The following SKAP2 variants were observed in gnomAD, a reference collection of about 807,000 sequenced individuals.
SKAP2 encodes src kinase associated phosphoprotein 2.
Under a neutral mutation model 54.9 loss-of-function variants are expected in SKAP2, and 28 were observed. The observed-to-expected ratio is 0.51, with a 90% CI of 0.38 to 0.70. The LOEUF is 0.70. Among genes scored for constraint, SKAP2 ranks in the 30% least tolerant of loss-of-function variants. The pLI is 0.00. For missense variants in SKAP2, 356 were observed against 424.1 expected, an observed-to-expected ratio of 0.84 and a Z score of 1.41; for synonymous variants, 137 against 134.3, an observed-to-expected ratio of 1.02 and a Z score of -0.14.
intron 4 of SKAP2, among the ~76,000 whole-genome samples, chr7:26,792,256 T>C (rs1344260660): frequency 6.6e-6 from 1 of 152,184 alleles, no homozygotes; most frequent in East Asian, 1.9e-4. Flanking sequence ...GTTCTATATC[T>C]TATCATGACT....
At chr7:26,696,202 T>C (rs1786891004) in intron 9 of SKAP2, among the ~76,000 whole-genome samples, 1 of 152,232 alleles carries the variant, frequency 6.6e-6, no homozygotes, top group African/African-American at 2.4e-5. Context: ...GTCTATTCAA[T>C]AGACTATTAT....
chr7:26,655,307 G>A, the SKAP2 span, among the ~76,000 whole-genome samples: 30,609 of 152,062 alleles, frequency 0.2, 3,307 homozygotes, highest in Non-Finnish European at 0.24. Flanking sequence ...CCTCTTAAGC[G>A]GAGGCTTCTC....
intron 4 of SKAP2, among the ~76,000 whole-genome samples, chr7:26,817,038 A>G (rs1323731075): frequency 6.6e-6 from 1 of 152,136 alleles, no homozygotes; most frequent in East Asian, 1.9e-4. Context: ...TCAAACAAAA[A>G]TTGTGTATGC....
At chr7:26,760,886 T>A (rs1782913357) in intron 4 of SKAP2, among the ~76,000 whole-genome samples, 1 of 152,170 alleles carries the variant, frequency 6.6e-6, no homozygotes, top group African/African-American at 2.4e-5. Flanking sequence ...GCATATAGAA[T>A]TTTAGAAAAG....
intron 4 of SKAP2, among the ~76,000 whole-genome samples, chr7:26,804,957 T>C (rs191485679): frequency 9.8e-4 from 149 of 152,294 alleles, no homozygotes; most frequent in Middle Eastern, 3.4e-3. Context: ...TTTCCTATAG[T>C]ATGAAAAAAT....
chr7:26,706,513 A>C (rs1787158083), intron 9 of SKAP2, among the ~76,000 whole-genome samples: 1 of 152,196 alleles, frequency 6.6e-6, no homozygotes, highest in Non-Finnish European at 1.5e-5. Flanking sequence ...TTAATATAAA[A>C]TCAGCTGTCA....
intron 4 of SKAP2, among the ~76,000 whole-genome samples, chr7:26,750,941 T>G (rs1376484974): frequency 1.3e-5 from 2 of 152,164 alleles, no homozygotes; most frequent in Non-Finnish European, 2.9e-5. Context: ...TGCAACAGCT[T>G]TATGTTGTGG....
At chr7:26,864,055 T>TCACACACACACACACACACA (rs35995014) in intron 1 of SKAP2, among the ~76,000 whole-genome samples, 401 of 143,416 alleles carry the variant, frequency 2.8e-3, no homozygotes, top group South Asian at 8.7e-3. Flanking sequence ...CGCCCTTCTG[T>TCACACACACACACACACACA]CACACACACA....
chr7:26,845,280 C>T (rs368705595), intron 3 of SKAP2, among the ~76,000 whole-genome samples: 21 of 152,192 alleles, frequency 1.4e-4, no homozygotes, highest in Non-Finnish European at 2.6e-4. Context: ...GGGTGTCACC[C>T]TATTTGTTAC....
intron 7 of SKAP2, chr7:26,726,616 T>C (rs1787714602): frequency 3.5e-6 from 1 of 281,842 alleles, no homozygotes; most frequent in Non-Finnish European, 6.7e-6. Flanking sequence ...TGATCACCTA[T>C]GTTCTATGCA....
At chr7:26,844,837 G>A (rs899778730) in intron 3 of SKAP2, among the ~76,000 whole-genome samples, 2 of 151,860 alleles carry the variant, frequency 1.3e-5, no homozygotes, top group African/African-American at 4.8e-5. Flanking sequence ...TTAATGTTCT[G>A]GCCAGTTTCC....
intron 4 of SKAP2, among the ~76,000 whole-genome samples, chr7:26,843,109 T>G (rs1784851851): frequency 6.6e-6 from 1 of 152,112 alleles, no homozygotes; most frequent in Non-Finnish European, 1.5e-5. Context: ...AAGCAATTTA[T>G]GTTTCCAAAG....
At chr7:26,798,806 C>T (rs547706726) in intron 4 of SKAP2, among the ~76,000 whole-genome samples, 1 of 152,184 alleles carries the variant, frequency 6.6e-6, no homozygotes, top group Non-Finnish European at 1.5e-5. Flanking sequence ...TTGCTTTTTG[C>T]TTGGTTGTTT....
At chr7:26,804,314 T>C (rs1027625106) in intron 4 of SKAP2, among the ~76,000 whole-genome samples, 12 of 152,332 alleles carry the variant, frequency 7.9e-5, no homozygotes, top group African/African-American at 2.4e-4. Flanking sequence ...GGACTAAATT[T>C]CCTCTGTTAT....
chr7:26,841,584 T>C (rs1016952657), intron 4 of SKAP2, among the ~76,000 whole-genome samples: 2 of 151,894 alleles, frequency 1.3e-5, no homozygotes, highest in Non-Finnish European at 1.5e-5. Context: ...TAATAAACCA[T>C]AAAGAAACCA....
At chr7:26,715,647 T>G (rs562499605) in intron 9 of SKAP2, among the ~76,000 whole-genome samples, 2 of 152,158 alleles carry the variant, frequency 1.3e-5, no homozygotes, top group South Asian at 4.2e-4. Flanking sequence ...GGCATGGTGG[T>G]GCACACCTAT....
At chr7:26,742,089 T>C (rs1438651825) in intron 4 of SKAP2, among the ~76,000 whole-genome samples, 1 of 152,132 alleles carries the variant, frequency 6.6e-6, no homozygotes, top group East Asian at 1.9e-4. Context: ...ACTTGGTACA[T>C]ATAAAGGTAT....
intron 4 of SKAP2, among the ~76,000 whole-genome samples, chr7:26,836,492 G>GA (rs1404128968): frequency 5.9e-5 from 9 of 151,794 alleles, no homozygotes; most frequent in African/African-American, 1.2e-4. Context: ...TAAATTACAA[G>GA]AAAAAAACAA....
intron 4 of SKAP2, among the ~76,000 whole-genome samples, chr7:26,743,714 A>G (rs539226077): frequency 1.3e-5 from 2 of 152,314 alleles, no homozygotes; most frequent in Admixed American, 1.3e-4. Context: ...AATATTAGAC[A>G]TTAAAATCGA....
Sources: gnomAD v4.1 joint callset for allele counts (sites outside exome capture counted in the v4.1 genomes callset) on GRCh38, gnomAD v4.1.1 for gene constraint, MANE v1.5 for transcripts, NCBI Gene and HGNC (gene_info 2026-07-23, HGNC 2026-07-21) for gene names.